AFG1L: variants seen among roughly 807,000 people sequenced by gnomAD.
AFG1L encodes the protein AFG1 like ATPase, also known as AFG1-like ATPase.
AFG1L carries 53 observed loss-of-function variants against 62.2 expected under a neutral mutation model. The observed-to-expected ratio is 0.85, with a 90% CI of 0.68 to 1.07. The LOEUF (loss-of-function observed/expected upper bound fraction) is 1.07. AFG1L is among the 50% of genes least tolerant of loss of function. AFG1L has a pLI of 0.00. For synonymous variants in AFG1L, 228 were observed against 210.3 expected (o/e 1.08, Z -0.73); for missense variants, 555 against 590.5 (o/e 0.94, Z 0.62).
intron 7 of AFG1L, among the ~76,000 whole-genome samples, chr6:108,423,795 T>C (rs1770700526): frequency 6.6e-6 from 1 of 151,448 alleles, no homozygotes; most frequent in Non-Finnish European, 1.5e-5. Flanking sequence ...ATTTGAACAC[T>C]AACTACTGAT....
chr6:108,408,153 G>A (rs994184782), intron 7 of AFG1L, among the ~76,000 whole-genome samples: 33 of 148,658 alleles, frequency 2.2e-4, no homozygotes, highest in Non-Finnish European at 4.1e-4. Flanking sequence ...CTGTGCAGGC[G>A]TCTCACTCTG....
chr6:108,472,126 G>A (rs1772921282), intron 8 of AFG1L, among the ~76,000 whole-genome samples: 1 of 152,084 alleles, frequency 6.6e-6, no homozygotes. Context: ...CTTGGATATG[G>A]GATCTTCTAA....
intron 2 of AFG1L, 50 bp downstream of exon 2, chr6:108,324,098 T>G: frequency 7.3e-7 from 1 of 1,361,674 alleles, no homozygotes; most frequent in Non-Finnish European, 1.0e-6. Context: ...TGTAAGCATT[T>G]TCTAAAATGG....
intron 1 of AFG1L, among the ~76,000 whole-genome samples, chr6:108,300,019 C>T (rs1476247940): frequency 1.3e-5 from 2 of 152,148 alleles, no homozygotes; most frequent in Non-Finnish European, 2.9e-5. Flanking sequence ...ATGAGGATCA[C>T]ATCTTATGAT....
chr6:108,366,892 C>T (rs1156384866), intron 6 of AFG1L, among the ~76,000 whole-genome samples: 2 of 152,104 alleles, frequency 1.3e-5, no homozygotes, highest in Non-Finnish European at 2.9e-5. Flanking sequence ...GTCTAAGAAA[C>T]CACAAATATT....
At chr6:108,422,549 T>TG (rs1340267201) in intron 7 of AFG1L, among the ~76,000 whole-genome samples, 14 of 135,100 alleles carry the variant, frequency 1.0e-4, no homozygotes, top group African/African-American at 4.0e-4. Context: ...AGTATTTTGT[T>TG]GGGGGAAGGA....
At chr6:108,353,342 G>C (rs897092505) in intron 3 of AFG1L, among the ~76,000 whole-genome samples, 2 of 151,956 alleles carry the variant, frequency 1.3e-5, no homozygotes, top group African/African-American at 4.8e-5. Flanking sequence ...TTTTAGTAGA[G>C]ATGAGATCTC....
At chr6:108,350,693 A>AGCT (rs1252180183) in intron 3 of AFG1L, among the ~76,000 whole-genome samples, 1 of 152,200 alleles carries the variant, frequency 6.6e-6, no homozygotes, top group African/African-American at 2.4e-5. Context: ...GCTCTTGACC[A>AGCT]GCTGACTGCG....
intron 2 of AFG1L, among the ~76,000 whole-genome samples, chr6:108,328,700 A>G (rs981877008): frequency 2.0e-5 from 3 of 151,948 alleles, no homozygotes; most frequent in African/African-American, 7.3e-5. Context: ...CCTACTCTAT[A>G]GCATCCCCAG....
intron 10 of AFG1L, among the ~76,000 whole-genome samples, chr6:108,508,818 G>T (rs561146359): frequency 6.6e-6 from 1 of 152,074 alleles, no homozygotes; most frequent in Non-Finnish European, 1.5e-5. Flanking sequence ...CAGGAATATC[G>T]CCATATCAAC....
intron 8 of AFG1L, among the ~76,000 whole-genome samples, chr6:108,471,069 C>G (rs563389606): frequency 6.6e-6 from 1 of 152,136 alleles, no homozygotes; most frequent in African/African-American, 2.4e-5. Context: ...CGACCAGCAT[C>G]TTGGTCGACC....
chr6:108,357,888 C>G (rs1582430880), intron 5 of AFG1L, among the ~76,000 whole-genome samples: 1 of 152,256 alleles, frequency 6.6e-6, no homozygotes, highest in East Asian at 1.9e-4. Context: ...TAACAATAGT[C>G]TAGATTTATG....
At chr6:108,498,758 T>C (rs1393637188) in intron 10 of AFG1L, among the ~76,000 whole-genome samples, 1 of 152,132 alleles carries the variant, frequency 6.6e-6, no homozygotes, top group Non-Finnish European at 1.5e-5. Flanking sequence ...GCAGATCACC[T>C]GAGATCAGGA....
chr6:108,472,726 C>A, intron 8 of AFG1L, among the ~76,000 whole-genome samples: 1 of 149,656 alleles, frequency 6.7e-6, no homozygotes, highest in African/African-American at 2.5e-5. Flanking sequence ...GTCGCCCAGG[C>A]TGGAGGGCAG....
chr6:108,303,344 G>A (rs1477709756), intron 1 of AFG1L, among the ~76,000 whole-genome samples: 1 of 152,128 alleles, frequency 6.6e-6, no homozygotes, highest in East Asian at 1.9e-4. Context: ...AACATGCCCA[G>A]CCTGGTCTCT....
intron 2 of AFG1L, among the ~76,000 whole-genome samples, chr6:108,331,507 C>A (rs1240553781): frequency 6.6e-6 from 1 of 152,150 alleles, no homozygotes; most frequent in African/African-American, 2.4e-5. Flanking sequence ...ACAATGTTTT[C>A]TCTAGTAAAT....
chr6:108,492,984 A>T (rs1582660977), intron 10 of AFG1L, among the ~76,000 whole-genome samples: 1 of 152,128 alleles, frequency 6.6e-6, no homozygotes, highest in Non-Finnish European at 1.5e-5. Context: ...TTGTAACGGC[A>T]TGTTTTTAAA....
At chr6:108,400,654 T>C (rs1781530637) in intron 6 of AFG1L, among the ~76,000 whole-genome samples, 1 of 118,792 alleles carries the variant, frequency 8.4e-6, no homozygotes, top group South Asian at 2.3e-4. Context: ...AATTTATGTA[T>C]AATATATATA....
chr6:108,406,304 TTC>T (rs1051314420), intron 7 of AFG1L, among the ~76,000 whole-genome samples: 1 of 150,596 alleles, frequency 6.6e-6, no homozygotes, highest in Non-Finnish European at 1.5e-5. Flanking sequence ...ATCACTTATT[TTC>T]TTTTTCCTTT....
Sources: allele counts gnomAD v4.1 joint callset (sites outside exome capture counted in the v4.1 genomes callset), GRCh38; gene constraint gnomAD v4.1.1; transcripts MANE v1.5; gene names NCBI Gene and HGNC (gene_info 2026-07-23, HGNC 2026-07-21).